BTBD7: variants seen among roughly 807,000 people sequenced by gnomAD.
The protein encoded by BTBD7 is BTB domain containing 7.
In BTBD7, 38 loss-of-function variants were observed where a neutral mutation model predicts 99.9. That is an observed-to-expected ratio of 0.38 (90% confidence interval 0.29 to 0.50). BTBD7 has a LOEUF of 0.50. Ranked by LOEUF, BTBD7 falls within the 20% of genes least tolerant of loss-of-function variation. BTBD7 has a pLI of 0.93. For synonymous variants in BTBD7, 520 were observed against 511.4 expected, an observed-to-expected ratio of 1.02 and a Z score of -0.23; for missense variants, 1,170 against 1,394.6, an observed-to-expected ratio of 0.84 and a Z score of 2.57.
chr14:93,291,757 C>A (rs2052858628), intron 3 of BTBD7, among the ~76,000 whole-genome samples: 1 of 145,184 alleles, frequency 6.9e-6, no homozygotes, highest in African/African-American at 2.6e-5. Flanking sequence ...TCTTTAAATA[C>A]ACTGAATAAA....
intron 1 of BTBD7, among the ~76,000 whole-genome samples, chr14:93,331,399 A>G (rs2053405145): frequency 1.3e-5 from 2 of 152,210 alleles, no homozygotes; most frequent in South Asian, 4.1e-4. Context: ...GCTCTAAAAC[A>G]ATATTCACAC....
At chr14:93,248,406 G>C (rs2052337096) in intron 9 of BTBD7, 70 bp downstream of exon 9, 5 of 1,507,896 alleles carry the variant, frequency 3.3e-6, no homozygotes, top group Non-Finnish European at 4.5e-6. Context: ...GGACTCGTCA[G>C]GATGCCCACA....
At chr14:93,259,875 A>G (rs988618745) in intron 5 of BTBD7, among the ~76,000 whole-genome samples, 4 of 152,216 alleles carry the variant, frequency 2.6e-5, no homozygotes, top group African/African-American at 9.6e-5. Flanking sequence ...CAGAGGTTGC[A>G]GCGAGCTGAG....
intron 1 of BTBD7, among the ~76,000 whole-genome samples, chr14:93,300,704 TTGTGTGTGTGTGTGTGTG>T (rs57228905): frequency 0.1 from 9,110 of 86,972 alleles, 882 homozygotes; most frequent in Admixed American, 0.18. Context: ...CCCAGCTAAT[TTGTGTGTGTGTGTGTGTG>T]TGTGTGTGTG....
rs1045235228 is a variant in BTBD7, at chr14:93,239,880, G to C, written c.*2393C>G. ...CAGCTCTGGTCTAACATTTGCGGGGGGGGAAGGGTCAGGGATGAGAGTTTT... is the reference window on the plus strand; with the variant it reads ...CAGCTCTGGTCTAACATTTGCGGGGCGGGAAGGGTCAGGGATGAGAGTTTT... On this transcript the variant is annotated 3_prime_UTR_variant, in exon 11 of 11. Transcript: ENST00000334746. 2 of 152,364 alleles carry C rather than the reference G, an allele frequency of 1.3e-5. No individual in the cohort carries two copies. Among genetic ancestry groups the C allele is most frequent in the Non-Finnish European group, 2.9e-5 (2 of 68,036 alleles). The allele number at this position is 152,364 out of a possible 1,614,324, so 9.4% of individuals were successfully genotyped here.
chr14:93,319,890 C>T (rs1241965046), intron 1 of BTBD7, among the ~76,000 whole-genome samples: 1 of 151,990 alleles, frequency 6.6e-6, no homozygotes, highest in Non-Finnish European at 1.5e-5. Context: ...GAAAGGAAGA[C>T]TTGAGAGTTG....
At chr14:93,302,975 T>C (rs746314315) in intron 1 of BTBD7, among the ~76,000 whole-genome samples, 4 of 152,158 alleles carry the variant, frequency 2.6e-5, no homozygotes, top group Non-Finnish European at 5.9e-5. Flanking sequence ...AGCATGCCAG[T>C]GCACTGCAGC....
chr14:93,322,076 A>G (rs1369811815), intron 1 of BTBD7, among the ~76,000 whole-genome samples: 1 of 152,128 alleles, frequency 6.6e-6, no homozygotes, highest in Non-Finnish European at 1.5e-5. Flanking sequence ...TTTGGACTTA[A>G]AAGAGTTGTT....
intron 3 of BTBD7, among the ~76,000 whole-genome samples, chr14:93,275,116 G>A (rs147126831): frequency 2.0e-3 from 312 of 152,312 alleles, no homozygotes; most frequent in African/African-American, 7.2e-3. Context: ...CAGGTGGAGT[G>A]AGAATGGCAA....
intron 1 of BTBD7, among the ~76,000 whole-genome samples, chr14:93,331,421 T>C (rs915998068): frequency 3.3e-5 from 5 of 152,238 alleles, no homozygotes; most frequent in African/African-American, 1.2e-4. Context: ...TTTAGATCTC[T>C]AAAAGTTTTT....
In BTBD7 at chr14:93,246,984, T is replaced by C. The variant is rs542751374; in HGVS notation, c.2122-698A>G. On this transcript the variant is annotated intron_variant, in intron 9 of 10. Coordinates refer to ENST00000334746, the MANE Select transcript of BTBD7 (RefSeq NM_001002860.4). ...AGAAGAAAAAGAACCTAAAAGTGGT[T>C]TGCTGACTTGCTGAAGAACCCTATG... Among the ~76,000 whole-genome samples, 114 of 152,328 alleles carry C rather than the reference T, an allele frequency of 7.5e-4. 3 individuals carry two copies. The South Asian group carries it at 0.022, about 29-fold the overall frequency.
chr14:93,257,179 G>A lies in BTBD7; in HGVS notation c.1608+16C>T. On this transcript the variant is annotated intron_variant, in intron 6 of 10. Transcript: ENST00000334746. Reference sequence around the variant, plus strand: ...TTTTCTTTTCATGAAAGGAATACATGGAGAAAAACACTTACTGCATCACTT... The same window carrying A: ...TTTTCTTTTCATGAAAGGAATACATAGAGAAAAACACTTACTGCATCACTT... 6.2e-7 allele frequency: 1 copy of A among 1,605,670 alleles called. No homozygotes were observed. Among genetic ancestry groups the A allele is most frequent in the Non-Finnish European group, 8.5e-7 (1 of 1,176,926 alleles).
At chr14:93,303,879 C>T (rs1438239703) in intron 1 of BTBD7, among the ~76,000 whole-genome samples, 3 of 152,200 alleles carry the variant, frequency 2.0e-5, no homozygotes, top group South Asian at 2.1e-4. Context: ...CAATGGGAGT[C>T]GCTTATTCCT....
Position 93,294,779 on chromosome 14 carries a change from C to T in BTBD7, c.241G>A (p.Asp81Asn), listed in dbSNP as rs765925785. The T allele has an allele frequency of 1.1e-5, 17 of 1,613,930 alleles. No individual in the cohort carries two copies. The highest frequency in any genetic ancestry group is 1.6e-4 in the Middle Eastern group (1 of 6,062). ...IKRRKSNRSA[D>N]HAKQMRELLS... The stretch of plus-strand genomic sequence containing the variant: ...AGTTCTCGCATCTGCTTGGCATGAT[C>T]GGCAGACCTATTAGATTTCCGACGC... Residue 81 changes from aspartate (D) to asparagine (N), a missense_variant, in exon 3 of 11, where the codon GAT becomes AAT. Asp to Asn is a conservative substitution (Grantham distance 23). Coordinates refer to ENST00000334746, the MANE Select transcript of BTBD7 (RefSeq NM_001002860.4).
At chr14:93,300,526 G>T (rs542895694) in intron 1 of BTBD7, among the ~76,000 whole-genome samples, 1 of 151,842 alleles carries the variant, frequency 6.6e-6, no homozygotes, top group Non-Finnish European at 1.5e-5. Context: ...AAAGTGCTGG[G>T]ATTACAGGCA....
chr14:93,253,792 T>TA lies in BTBD7; in HGVS notation c.1609-3dup, dbSNP rs755827279. On this transcript the variant is annotated splice_polypyrimidine_tract_variant and splice_region_variant and intron_variant, in intron 6 of 10. Coordinates refer to ENST00000334746, the MANE Select transcript of BTBD7 (RefSeq NM_001002860.4). ...AGTACTAATCAAGCCTCTTTTCATCTAAAAAAAAATTTTTTTTTTAGATAG... is the reference window on the plus strand; with the variant it reads ...AGTACTAATCAAGCCTCTTTTCATCTAAAAAAAAAATTTTTTTTTTAGATAG... 438 of 1,549,802 alleles carry TA rather than the reference T, an allele frequency of 2.8e-4. 2 individuals carry two copies. Among genetic ancestry groups the TA allele is most frequent in the Non-Finnish European group, 3.4e-4 (394 of 1,145,358 alleles).
chr14:93,281,490 T>C (rs1474677739), intron 3 of BTBD7, among the ~76,000 whole-genome samples: 1 of 152,208 alleles, frequency 6.6e-6, no homozygotes, highest in Non-Finnish European at 1.5e-5. Flanking sequence ...GACTTTATAG[T>C]TCTTAAACAC....
At chr14:93,244,855 CTTTTTTT>C (rs58775665) in intron 10 of BTBD7, among the ~76,000 whole-genome samples, 2 of 107,472 alleles carry the variant, frequency 1.9e-5, no homozygotes, top group Admixed American at 1.0e-4. Flanking sequence ...TCTTACAAAT[CTTTTTTT>C]TTTTTTTTTT....
intron 1 of BTBD7, among the ~76,000 whole-genome samples, chr14:93,326,760 C>T (rs931931048): frequency 6.0e-5 from 9 of 150,434 alleles, no homozygotes; most frequent in Admixed American, 1.3e-4. Context: ...GCCAGGATCA[C>T]GCCATTGCGC....
Sources: gnomAD v4.1 joint callset for allele counts (sites outside exome capture counted in the v4.1 genomes callset) on GRCh38, gnomAD v4.1.1 for gene constraint, MANE v1.5 for transcripts, NCBI Gene and HGNC (gene_info 2026-07-23, HGNC 2026-07-21) for gene names.